DOCK3: variants seen among roughly 807,000 people sequenced by gnomAD.
The protein encoded by DOCK3 is dedicator of cytokinesis protein 3.
DOCK3 carries 60 observed loss-of-function variants against 265.6 expected under a neutral mutation model. That is an observed-to-expected ratio of 0.23 (90% CI 0.18 to 0.28). The LOEUF (loss-of-function observed/expected upper bound fraction) is 0.28. Ranked by LOEUF, DOCK3 falls within the 10% of genes least tolerant of loss-of-function variation. The probability of loss-of-function intolerance (pLI) is 1.00; values close to 1 mark genes in which losing one functional copy is unlikely to be tolerated. For missense variants in DOCK3, 1,981 were observed against 2,594.3 expected (o/e 0.76, Z 5.14); for synonymous variants, 881 against 938.0 (o/e 0.94, Z 1.11).
intron 1 of DOCK3, among the ~76,000 whole-genome samples, chr3:50,751,258 CTT>C (rs879936260): frequency 2.8e-5 from 4 of 141,710 alleles, no homozygotes; most frequent in Admixed American, 7.1e-5. Flanking sequence ...AAAGAATGGA[CTT>C]TTTTTTTTTT....
At chr3:50,676,453 C>A (rs1222809017) in intron 1 of DOCK3, among the ~76,000 whole-genome samples, 1 of 152,150 alleles carries the variant, frequency 6.6e-6, no homozygotes, top group Non-Finnish European at 1.5e-5. Context: ...GAGCTCTGGT[C>A]CTAGAGTCTC....
At chr3:51,177,125 C>T (rs1422244861) in intron 12 of DOCK3, among the ~76,000 whole-genome samples, 1 of 152,176 alleles carries the variant, frequency 6.6e-6, no homozygotes, top group Admixed American at 6.5e-5. Flanking sequence ...AGGATATGGT[C>T]ACACCCTGGT....
In DOCK3 at chr3:51,310,341, G is replaced by T. The variant is rs752985324; in HGVS notation, c.3017+15G>T. ...CTCACAAGCAAGTAAGTATGGAAGG[G>T]CTCTGTATCAGCATCACTGAGCTGT... On this transcript the variant is annotated intron_variant, in intron 28 of 52. Transcript: ENST00000266037. 2 of 1,570,318 alleles carry T rather than the reference G, an allele frequency of 1.3e-6. No homozygotes were observed. The highest frequency in any genetic ancestry group is 2.3e-5 in the East Asian group (1 of 43,576).
At chr3:51,310,569 G>A (rs1576754030) in intron 28 of DOCK3, among the ~76,000 whole-genome samples, 1 of 152,194 alleles carries the variant, frequency 6.6e-6, no homozygotes, top group Non-Finnish European at 1.5e-5. Flanking sequence ...CCTTGAGGAA[G>A]GCCTGCTCAG....
At chr3:51,345,200 C>CACTTGGAG (rs765980285) in intron 38 of DOCK3, among the ~76,000 whole-genome samples, 43 of 152,164 alleles carry the variant, frequency 2.8e-4, no homozygotes, top group Non-Finnish European at 5.0e-4. Flanking sequence ...GCCCAAGCGG[C>CACTTGGAG]ACTTGGAGAG....
At chr3:51,093,013 C>A (rs978986847) in intron 9 of DOCK3, among the ~76,000 whole-genome samples, 6 of 152,052 alleles carry the variant, frequency 3.9e-5, no homozygotes, top group Non-Finnish European at 1.5e-5. Flanking sequence ...ATTTCTGAGG[C>A]CTCTCTTCTG....
At chr3:51,236,119 A>G (rs531433989) in intron 19 of DOCK3, among the ~76,000 whole-genome samples, 1 of 152,220 alleles carries the variant, frequency 6.6e-6, no homozygotes, top group Non-Finnish European at 1.5e-5. Flanking sequence ...GAGCCTCTCT[A>G]AGTCTTTCTT....
At chr3:51,364,661 T>A (rs866376228) in intron 49 of DOCK3, among the ~76,000 whole-genome samples, 1 of 152,254 alleles carries the variant, frequency 6.6e-6, no homozygotes, top group African/African-American at 2.4e-5. Flanking sequence ...AATTTTTGTA[T>A]GAGGTGTAAG....
intron 5 of DOCK3, among the ~76,000 whole-genome samples, chr3:51,005,145 AATATTTCT>A (rs1385127038): frequency 6.6e-6 from 1 of 152,054 alleles, no homozygotes; most frequent in East Asian, 1.9e-4. Context: ...GAAATTTAAA[AATATTTCT>A]AAGTGGAATT....
chr3:51,010,737 C>T (rs1015918173), intron 5 of DOCK3, among the ~76,000 whole-genome samples: 9 of 152,250 alleles, frequency 5.9e-5, no homozygotes, highest in South Asian at 4.1e-4. Context: ...CAATTTGGCA[C>T]GCTTTTTCAG....
intron 14 of DOCK3, among the ~76,000 whole-genome samples, chr3:51,216,062 A>G (rs189245744): frequency 3.7e-4 from 56 of 152,190 alleles, no homozygotes; most frequent in African/African-American, 1.1e-3. Flanking sequence ...AAAATTAGGT[A>G]TCTAGGCTTA....
At chr3:51,269,958 C>T (rs1164771079) in intron 23 of DOCK3, among the ~76,000 whole-genome samples, 1 of 152,180 alleles carries the variant, frequency 6.6e-6, no homozygotes, top group East Asian at 1.9e-4. Flanking sequence ...AGCGGTAAAG[C>T]TTGGATTTGA....
At chr3:50,742,481 C>T (rs1390693942) in intron 1 of DOCK3, among the ~76,000 whole-genome samples, 1 of 150,232 alleles carries the variant, frequency 6.7e-6, no homozygotes, top group Non-Finnish European at 1.5e-5. Flanking sequence ...CTAGAATAAC[C>T]AATACAGAGA....
intron 5 of DOCK3, among the ~76,000 whole-genome samples, chr3:50,990,731 A>G (rs1158924756): frequency 6.6e-6 from 1 of 152,202 alleles, no homozygotes; most frequent in Non-Finnish European, 1.5e-5. Flanking sequence ...CCGACGTTCA[A>G]GGGCAGAAAG....
intron 5 of DOCK3, among the ~76,000 whole-genome samples, chr3:50,980,009 A>C (rs115916770): frequency 6.6e-6 from 1 of 152,196 alleles, no homozygotes; most frequent in Non-Finnish European, 1.5e-5. Context: ...AAGAATGTTC[A>C]AAGTGGGCAT....
intron 38 of DOCK3, 94 bp downstream of exon 38, chr3:51,341,479 A>T (rs2085239901): frequency 2.2e-5 from 33 of 1,515,320 alleles, no homozygotes; most frequent in Non-Finnish European, 2.6e-5. Flanking sequence ...TGCAGGGGGT[A>T]GTGTGTGGGG....
chr3:50,904,893 A>G (rs1451442412), intron 4 of DOCK3, among the ~76,000 whole-genome samples: 3 of 152,104 alleles, frequency 2.0e-5, no homozygotes, highest in African/African-American at 7.3e-5. Flanking sequence ...TTATGGTTTT[A>G]GGTCTAACAT....
intron 4 of DOCK3, among the ~76,000 whole-genome samples, chr3:50,899,355 T>C (rs752751600): frequency 1.3e-5 from 2 of 152,230 alleles, no homozygotes; most frequent in Non-Finnish European, 2.9e-5. Flanking sequence ...CCCTTTGTTT[T>C]GAGCCTATGT....
chr3:50,906,068 T>C (rs1306849410), intron 4 of DOCK3, among the ~76,000 whole-genome samples: 1 of 152,092 alleles, frequency 6.6e-6, no homozygotes, highest in Admixed American at 6.5e-5. Flanking sequence ...ATTACGTTTA[T>C]TGATTTGCAT....
Sources: allele counts gnomAD v4.1 joint callset (sites outside exome capture counted in the v4.1 genomes callset), GRCh38; gene constraint gnomAD v4.1.1; transcripts MANE v1.5; gene names NCBI Gene and HGNC (gene_info 2026-07-23, HGNC 2026-07-21).